Variants in ITGA1 observed in about 807,000 individuals in gnomAD.
ITGA1 encodes integrin alpha-1.
In ITGA1, 85 loss-of-function variants were observed where a neutral mutation model predicts 145.9. The ratio of observed to expected loss-of-function variants is 0.58; its 90% CI spans 0.49 to 0.70. The LOEUF (loss-of-function observed/expected upper bound fraction) is 0.70. ITGA1 is among the 30% of genes least tolerant of loss of function. The pLI, the probability that ITGA1 is intolerant of heterozygous loss-of-function variation, is 0.00. For missense variants in ITGA1, 1,351 were observed against 1,418.7 expected, an observed-to-expected ratio of 0.95 and a Z score of 0.77; for synonymous variants, 520 against 495.3, an observed-to-expected ratio of 1.05 and a Z score of -0.66.
intron 2 of ITGA1, among the ~76,000 whole-genome samples, 197 bp from the exon 3 acceptor site, chr5:52,861,250 T>C (rs563209661): frequency 2.0e-5 from 3 of 152,188 alleles, no homozygotes; most frequent in Non-Finnish European, 2.9e-5. Context: ...TGTGTGTGTG[T>C]ATATATACTT....
At chr5:52,832,326 A>T (rs887335562) in intron 1 of ITGA1, among the ~76,000 whole-genome samples, 6 of 152,170 alleles carry the variant, frequency 3.9e-5, no homozygotes, top group Non-Finnish European at 8.8e-5. Flanking sequence ...TTCAGATCTG[A>T]TACTCATTCC....
intron 1 of ITGA1, chr5:52,824,412 G>C (rs2456224): frequency 0.9 from 136,693 of 151,838 alleles, 61,629 homozygotes; most frequent in Middle Eastern, 0.92. Context: ...CTGCCTCAGG[G>C]TCCCGAGTAG....
intron 1 of ITGA1, among the ~76,000 whole-genome samples, chr5:52,807,402 A>G (rs970716775): frequency 1.6e-5 from 2 of 126,054 alleles, no homozygotes; most frequent in South Asian, 2.4e-4. Flanking sequence ...TGTCATTACT[A>G]TTTTCTGATG....
At chr5:52,872,794 A>G (rs1325091703) in intron 6 of ITGA1, among the ~76,000 whole-genome samples, 1 of 151,994 alleles carries the variant, frequency 6.6e-6, no homozygotes, top group Non-Finnish European at 1.5e-5. Context: ...CAAGCGCTGT[A>G]TTCTAGGAGA....
At chr5:52,807,661 T>C (rs6450084) in intron 1 of ITGA1, among the ~76,000 whole-genome samples, 77,457 of 151,980 alleles carry the variant, frequency 0.51, 20,508 homozygotes, top group African/African-American at 0.65. Context: ...TTTGTCATCT[T>C]ATGAAAAATC....
Position 52,933,932 on chromosome 5 carries a change from A to C in ITGA1, c.2900A>C (p.Glu967Ala). 6.5e-7 allele frequency: 1 copy of C among 1,539,888 alleles called. No individual in the cohort carries two copies. The highest frequency in any genetic ancestry group is 8.8e-7 in the Non-Finnish European group (1 of 1,139,532). The change falls in exon 23 of 29, where the codon GAG (glutamate) becomes GCG (alanine). Residue 967 changes from glutamate (E) to alanine (A), a missense_variant. Physicochemically the swap from Glu to Ala is moderately radical, Grantham distance 107. Transcript: ENST00000282588. ...TACCACATTTCAATTGCTGCCAATGAGACAGTCCCTGAAGTTATTAATTCT... is the reference window on the plus strand; with the variant it reads ...TACCACATTTCAATTGCTGCCAATGCGACAGTCCCTGAAGTTATTAATTCT... ...SEYHISIAANETVPEVINSTE... is the reference protein window; with the variant it reads ...SEYHISIAANATVPEVINSTE...
rs534680395 is a variant in ITGA1, at chr5:52,916,795, T to A, written c.1988+1201T>A. 3.9e-5 allele frequency among the ~76,000 whole-genome samples: 6 copies of A among 152,326 alleles called. No homozygotes were observed. In the East Asian group the frequency reaches 1.2e-3, roughly 29 times the overall value. On this transcript the variant is annotated intron_variant, in intron 15 of 28. Transcript: ENST00000282588. Reference sequence around the variant, plus strand: ...TTTTGTTTGAAATGTTAATCCTGAATTAGTTTATTATGCTCCCTTTAGCTC... The same window carrying A: ...TTTTGTTTGAAATGTTAATCCTGAAATAGTTTATTATGCTCCCTTTAGCTC...
At chr5:52,849,600 T>G (rs1233745677) in intron 2 of ITGA1, 115 bp downstream of exon 2, 1 of 988,102 alleles carries the variant, frequency 1.0e-6, no homozygotes, top group African/African-American at 1.6e-5. Flanking sequence ...TTATTTATGG[T>G]AGAAAATGCA....
chr5:52,939,038 G>C (rs1170366847), intron 24 of ITGA1, among the ~76,000 whole-genome samples: 1 of 151,964 alleles, frequency 6.6e-6, no homozygotes, highest in Non-Finnish European at 1.5e-5. Context: ...AAGTAGCTGG[G>C]ACTACAGGCG....
At chr5:52,828,153 G>T (rs1187940105) in intron 1 of ITGA1, among the ~76,000 whole-genome samples, 1 of 152,052 alleles carries the variant, frequency 6.6e-6, no homozygotes, top group African/African-American at 2.4e-5. Flanking sequence ...TCAATTCTTT[G>T]GGGGTGATAT....
intron 5 of ITGA1, 134 bp from the exon 6 acceptor site, chr5:52,865,556 T>C: frequency 1.5e-6 from 1 of 652,262 alleles, no homozygotes; most frequent in Non-Finnish European, 2.3e-6. Context: ...TATTTTTTAT[T>C]GCTAAAACAA....
chr5:52,891,555 T>TAAAAAAAAAAAA (rs56185635), intron 8 of ITGA1, among the ~76,000 whole-genome samples: 5 of 118,882 alleles, frequency 4.2e-5, no homozygotes, highest in Admixed American at 8.0e-5. Context: ...TCATGAACAC[T>TAAAAAAAAAAAA]AAAAAAAAAA....
chr5:52,912,346 T>C (rs146154768), intron 14 of ITGA1, among the ~76,000 whole-genome samples: 4,398 of 145,234 alleles, frequency 0.03, 262 homozygotes, highest in African/African-American at 0.11. Context: ...GTATCCAGTA[T>C]ATGTATTATA....
At chr5:52,914,523 C>A (rs980219710) in intron 14 of ITGA1, among the ~76,000 whole-genome samples, 1 of 151,280 alleles carries the variant, frequency 6.6e-6, no homozygotes, top group African/African-American at 2.4e-5. Flanking sequence ...GTAATCCCAG[C>A]TATTCGGGAG....
chr5:52,882,120 A>T (rs1749970888), intron 7 of ITGA1, 99 bp downstream of exon 7: 7 of 984,302 alleles, frequency 7.1e-6, no homozygotes, highest in Admixed American at 3.1e-5. Context: ...ATATGACAAT[A>T]TTTAAAGCCA....
intron 11 of ITGA1, chr5:52,902,432 A>G (rs2111836427): frequency 6.6e-6 from 1 of 152,370 alleles, no homozygotes; most frequent in East Asian, 1.9e-4. Context: ...CATGGCATCA[A>G]GACAGATCAT....
intron 1 of ITGA1, among the ~76,000 whole-genome samples, chr5:52,833,100 G>T (rs563919728): frequency 6.6e-6 from 1 of 151,884 alleles, no homozygotes; most frequent in South Asian, 2.1e-4. Context: ...GCTGATGTGG[G>T]AGGATCACTT....
chr5:52,788,887 A>G (rs1748183014), intron 1 of ITGA1, among the ~76,000 whole-genome samples: 4 of 152,026 alleles, frequency 2.6e-5, no homozygotes, highest in Admixed American at 2.6e-4. Flanking sequence ...CTTTTTTCCC[A>G]TGCAGAACAA....
At chr5:52,928,566 T>C (rs1445408811) in intron 20 of ITGA1, among the ~76,000 whole-genome samples, 1 of 152,210 alleles carries the variant, frequency 6.6e-6, no homozygotes, top group Non-Finnish European at 1.5e-5. Flanking sequence ...AGAAGCCACG[T>C]ATGCATTGGC....
Sources: allele counts gnomAD v4.1 joint callset (sites outside exome capture counted in the v4.1 genomes callset), GRCh38; gene constraint gnomAD v4.1.1; transcripts MANE v1.5; gene names NCBI Gene and HGNC (gene_info 2026-07-23, HGNC 2026-07-21).